CNIH3: variants seen among roughly 807,000 people sequenced by gnomAD.
The protein encoded by CNIH3 is protein cornichon homolog 3.
CNIH3 carries 14 observed loss-of-function variants against 24.1 expected under a neutral mutation model. The observed-to-expected ratio is 0.58, with a 90% CI of 0.38 to 0.91. The LOEUF is 0.91. Ranked by LOEUF, CNIH3 falls within the 40% of genes least tolerant of loss-of-function variation. CNIH3 has a pLI of 0.00. For synonymous variants in CNIH3, 68 were observed against 73.8 expected, an observed-to-expected ratio of 0.92 and a Z score of 0.40; for missense variants, 178 against 196.8, an observed-to-expected ratio of 0.90 and a Z score of 0.57.
chr1:224,661,592 A>G (rs1189226148), intron 1 of CNIH3: 2 of 381,282 alleles, frequency 5.2e-6, no homozygotes, highest in South Asian at 2.4e-5. Flanking sequence ...AATTCCCTGA[A>G]GACATCATCT....
chr1:224,553,615 C>T (rs1484128910), intron 3 of CNIH3, among the ~76,000 whole-genome samples: 1 of 152,120 alleles, frequency 6.6e-6, no homozygotes, highest in Non-Finnish European at 1.5e-5. Flanking sequence ...CTGCTACAGC[C>T]CGCTGTGGAA....
intron 3 of CNIH3, among the ~76,000 whole-genome samples, chr1:224,563,751 G>A (rs1385567991): frequency 1.3e-5 from 2 of 152,102 alleles, no homozygotes; most frequent in African/African-American, 2.4e-5. Context: ...TGGACAAACA[G>A]GTATTTATTT....
At chr1:224,641,022 T>C (rs1684332421) in intron 1 of CNIH3, among the ~76,000 whole-genome samples, 1 of 152,226 alleles carries the variant, frequency 6.6e-6, no homozygotes. Flanking sequence ...GCATGTGCTA[T>C]ATTTGCTTCT....
intron 2 of CNIH3, among the ~76,000 whole-genome samples, chr1:224,523,253 T>C (rs1472903983): frequency 6.6e-6 from 1 of 150,946 alleles, no homozygotes; most frequent in East Asian, 1.9e-4. Flanking sequence ...AAAAAAAAAG[T>C]TCTTAGCAAC....
intron 3 of CNIH3, among the ~76,000 whole-genome samples, chr1:224,601,030 G>C (rs1682185817): frequency 6.6e-6 from 1 of 152,242 alleles, no homozygotes; most frequent in Non-Finnish European, 1.5e-5. Flanking sequence ...ATAAAGCAGA[G>C]TGAGAGATGG....
intron 1 of CNIH3, among the ~76,000 whole-genome samples, chr1:224,508,561 C>A (rs1055544864): frequency 3.3e-5 from 5 of 152,228 alleles, no homozygotes; most frequent in Non-Finnish European, 5.9e-5. Flanking sequence ...GTTAATCTTA[C>A]TTCCAGTTCC....
chr1:224,550,389 G>T (rs1038838314), intron 3 of CNIH3, among the ~76,000 whole-genome samples: 3 of 152,094 alleles, frequency 2.0e-5, no homozygotes, highest in Non-Finnish European at 4.4e-5. Flanking sequence ...TCAGAGCGAA[G>T]ATATTACATT....
chr1:224,559,380 T>C (rs766391721), intron 3 of CNIH3, among the ~76,000 whole-genome samples: 1 of 152,316 alleles, frequency 6.6e-6, no homozygotes, highest in East Asian at 1.9e-4. Context: ...TCTGTTACAC[T>C]AAGCTTTTAG....
rs188145587 is a variant in CNIH3 at position 224,547,418 on chromosome 1, C to A, written n.450+479C>A. On this transcript the variant is annotated intron_variant and non_coding_transcript_variant, in intron 3 of 5. Coordinates refer to the CNIH3 transcript ENST00000471578. ...CATAATATCTGAAAAAAGATATTAC[C>A]CCTAATATTACAGTGGGTGTACACA... Among the ~76,000 whole-genome samples, 1,376 of 151,538 alleles carry A rather than the reference C, an allele frequency of 9.1e-3. 16 individuals carry two copies. Among genetic ancestry groups the A allele is most frequent in the Non-Finnish European group, 0.011 (759 of 67,814 alleles).
chr1:224,583,669 G>T (rs922120315), intron 5 of CNIH3, among the ~76,000 whole-genome samples: 4 of 152,136 alleles, frequency 2.6e-5, no homozygotes, highest in African/African-American at 9.7e-5. Context: ...CAATGCTGGG[G>T]CTCCTACCAT....
At chr1:224,575,016 CAGGAGA>C in intron 4 of CNIH3, 1 of 876,230 alleles carries the variant, frequency 1.1e-6, no homozygotes, top group Non-Finnish European at 2.0e-6. Flanking sequence ...GTACCTCACT[CAGGAGA>C]AGTTAATCCA....
intron 3 of CNIH3, among the ~76,000 whole-genome samples, chr1:224,700,420 G>C (rs1687422958): frequency 6.6e-6 from 1 of 152,238 alleles, no homozygotes; most frequent in Non-Finnish European, 1.5e-5. Context: ...CTCTGCACTA[G>C]AGAAGAGTTT....
Position 224,672,520 on chromosome 1 carries a change from G to C in CNIH3, c.82-8438G>C, listed in dbSNP as rs920159816. Reference sequence around the variant, plus strand: ...GCCATGTTCCCTCCAAATGCTCTAAGGGAGAATCCTTCCTCACCTCTTCCC... The same window carrying C: ...GCCATGTTCCCTCCAAATGCTCTAACGGAGAATCCTTCCTCACCTCTTCCC... On this transcript the variant is annotated intron_variant, in intron 1 of 5. Transcript: ENST00000272133. Among the ~76,000 whole-genome samples the C allele has an allele frequency of 1.1e-4, 17 of 152,320 alleles. No homozygotes were observed. The East Asian group carries it at 1.2e-3, about 10-fold the overall frequency.
At chr1:224,487,201 A>C (rs975747934) in intron 1 of CNIH3, among the ~76,000 whole-genome samples, 1 of 152,206 alleles carries the variant, frequency 6.6e-6, no homozygotes, top group African/African-American at 2.4e-5. Context: ...ATGTCCTTAC[A>C]TTTACAATCA....
chr1:224,731,698 G>A (rs1278124645), intron 4 of CNIH3, among the ~76,000 whole-genome samples: 1 of 152,256 alleles, frequency 6.6e-6, no homozygotes. Context: ...AGTGGTGGAG[G>A]GAAATATGTT....
intron 1 of CNIH3, among the ~76,000 whole-genome samples, chr1:224,497,310 A>G (rs1233444951): frequency 6.6e-6 from 1 of 152,252 alleles, no homozygotes; most frequent in East Asian, 1.9e-4. Context: ...ATGTTTGCAC[A>G]ACATAGTGAA....
At chr1:224,636,387 G>T (rs1684087632) in intron 1 of CNIH3, among the ~76,000 whole-genome samples, 1 of 152,120 alleles carries the variant, frequency 6.6e-6, no homozygotes, top group South Asian at 2.1e-4. Context: ...AACCTAGAGA[G>T]GTAAAGTGAC....
At chr1:224,661,769 C>A in intron 1 of CNIH3, 1 of 223,844 alleles carries the variant, frequency 4.5e-6, no homozygotes, top group East Asian at 1.2e-4. Flanking sequence ...CTCTCTGCTG[C>A]TTTATTCTCA....
chr1:224,516,941 C>G (rs1012280298), intron 1 of CNIH3, among the ~76,000 whole-genome samples: 3 of 152,062 alleles, frequency 2.0e-5, no homozygotes, highest in African/African-American at 7.2e-5. Context: ...TCACCCACTT[C>G]CCCAGCTCTG....
Sources: gnomAD v4.1 joint callset for allele counts (sites outside exome capture counted in the v4.1 genomes callset) on GRCh38, gnomAD v4.1.1 for gene constraint, MANE v1.5 for transcripts, NCBI Gene and HGNC (gene_info 2026-07-23, HGNC 2026-07-21) for gene names.